The following CEPT1 variants were observed in gnomAD, a reference collection of about 807,000 sequenced individuals.
CEPT1 encodes choline/ethanolamine phosphotransferase 1.
CEPT1 carries 7 observed loss-of-function variants against 42.6 expected under a neutral mutation model. The ratio of observed to expected loss-of-function variants is 0.16; its 90% CI spans 0.09 to 0.31. The LOEUF is 0.31. CEPT1 is among the 10% of genes least tolerant of loss of function. CEPT1 has a pLI of 1.00. For synonymous variants in CEPT1, 171 were observed against 171.9 expected (o/e 0.99, Z 0.04); for missense variants, 306 against 502.1 (o/e 0.61, Z 3.73).
chr1:111,158,637 A>G (rs1655698207), intron 2 of CEPT1, among the ~76,000 whole-genome samples: 1 of 152,208 alleles, frequency 6.6e-6, no homozygotes, highest in Non-Finnish European at 1.5e-5. Context: ...GAAGTCCTGT[A>G]GTAAAGAAAT....
At position 111,159,520 on chromosome 1, in the gene CEPT1, A is replaced by C; in HGVS notation, c.480A>C (p.Leu160=). Residue 160 remains leucine, a synonymous_variant, in exon 3 of 9, where the codon CTA becomes CTC. Transcript: ENST00000357172. ...GELFDHGCDS[L]STVFVVLGTC... The stretch of plus-strand genomic sequence containing the variant: ...TTTTTGATCATGGCTGTGATTCACT[A>C]TCAACAGGTATTGTTGATTTTTTTA... 6.2e-7 allele frequency: 1 copy of C among 1,606,798 alleles called. No individual in the cohort carries two copies. The highest frequency in any genetic ancestry group is 1.3e-5 in the African/African-American group (1 of 74,438).
intron 2 of CEPT1, among the ~76,000 whole-genome samples, chr1:111,155,240 G>T (rs993552127): frequency 1.3e-5 from 2 of 151,932 alleles, no homozygotes; most frequent in Admixed American, 1.3e-4. Flanking sequence ...TATCTACTTC[G>T]TCTAGGTTTT....
intron 5 of CEPT1, among the ~76,000 whole-genome samples, chr1:111,175,551 T>C (rs1390572917): frequency 6.6e-6 from 1 of 152,184 alleles, no homozygotes; most frequent in East Asian, 1.9e-4. Context: ...GGAACCAGAC[T>C]GTGTGCGTTT....
At chr1:111,167,867 C>A in intron 4 of CEPT1, 2 of 634,184 alleles carry the variant, frequency 3.2e-6, no homozygotes. Context: ...CTCTAATGTA[C>A]TGCTAAAAGT....
chr1:111,168,146 C>G lies in CEPT1; in HGVS notation c.630-6733C>G, dbSNP rs759696136. On this transcript the variant is annotated intron_variant, in intron 4 of 8. Transcript: ENST00000357172. ...GCCTCAGCCTTCCAAAGCACTGGAA[C>G]TACAGGCATGAGCCACTGCATTCAC... is the stretch of plus-strand genomic sequence containing the variant. Among the ~76,000 whole-genome samples the G allele has an allele frequency of 3.2e-4, 48 of 152,168 alleles. 1 individual carries two copies. Among genetic ancestry groups the G allele is most frequent in the Admixed American group, 2.7e-3 (41 of 15,286 alleles).
chr1:111,146,363 C>T (rs181837700), intron 1 of CEPT1, among the ~76,000 whole-genome samples: 1 of 152,178 alleles, frequency 6.6e-6, no homozygotes, highest in South Asian at 2.1e-4. Context: ...ACCCACTACA[C>T]CCCAAAAGCC....
At chr1:111,167,393 T>C (rs1656192760) in intron 4 of CEPT1, 28 of 923,322 alleles carry the variant, frequency 3.0e-5, no homozygotes, top group Non-Finnish European at 3.6e-5. Context: ...TTTTAAAAAG[T>C]GGTATTTCTG....
chr1:111,177,622 A>T (rs1217623676), intron 5 of CEPT1, among the ~76,000 whole-genome samples: 1 of 151,934 alleles, frequency 6.6e-6, no homozygotes, highest in African/African-American at 2.4e-5. Flanking sequence ...TTCCATTATG[A>T]TTTATACATA....
intron 2 of CEPT1, among the ~76,000 whole-genome samples, chr1:111,158,395 T>G (rs964657093): frequency 5.3e-4 from 81 of 152,262 alleles, no homozygotes; most frequent in African/African-American, 1.7e-3. Flanking sequence ...ATACCAGCAG[T>G]TCAATTTCTG....
chr1:111,177,518 T>C (rs1409209723), intron 5 of CEPT1, among the ~76,000 whole-genome samples: 1 of 152,202 alleles, frequency 6.6e-6, no homozygotes, highest in Non-Finnish European at 1.5e-5. Context: ...GCATAAAACA[T>C]TGTAAATGAA....
intron 2 of CEPT1, among the ~76,000 whole-genome samples, chr1:111,153,913 C>T (rs1002588286): frequency 3.3e-5 from 5 of 152,052 alleles, no homozygotes. Flanking sequence ...GTTCTTTTTG[C>T]TCTAGAGTGC....
chr1:111,151,419 G>A (rs963243508), intron 2 of CEPT1, among the ~76,000 whole-genome samples: 1 of 152,220 alleles, frequency 6.6e-6, no homozygotes, highest in Non-Finnish European at 1.5e-5. Flanking sequence ...ACCACACCCG[G>A]CCAGCTTGGT....
At chr1:111,142,899 A>G (rs1038066998) in intron 1 of CEPT1, among the ~76,000 whole-genome samples, 1 of 152,216 alleles carries the variant, frequency 6.6e-6, no homozygotes. Context: ...ACTGATTACA[A>G]GTGAAAAGGC....
intron 2 of CEPT1, among the ~76,000 whole-genome samples, chr1:111,158,345 C>A (rs1009300615): frequency 5.3e-5 from 8 of 150,428 alleles, no homozygotes; most frequent in Non-Finnish European, 7.4e-5. Context: ...CAGAGCAAGA[C>A]TCCATCTCAA....
chr1:111,158,178 C>T (rs899034687), intron 2 of CEPT1, among the ~76,000 whole-genome samples: 19 of 151,866 alleles, frequency 1.3e-4, no homozygotes, highest in Non-Finnish European at 4.4e-5. Context: ...CTTGTCTCTA[C>T]TAAAAAAAAT....
At chr1:111,176,374 G>A (rs1159692876) in intron 5 of CEPT1, among the ~76,000 whole-genome samples, 2 of 152,052 alleles carry the variant, frequency 1.3e-5, no homozygotes, top group Non-Finnish European at 2.9e-5. Flanking sequence ...AGATCATAAA[G>A]CCTAAAGCTT....
intron 8 of CEPT1, 73 bp from the exon 9 acceptor site, chr1:111,184,118 T>G: frequency 6.8e-7 from 1 of 1,460,004 alleles, no homozygotes; most frequent in Non-Finnish European, 9.5e-7. Context: ...GAGAACAGAG[T>G]CCAGTCCTCT....
At chr1:111,165,139 T>C (rs1656078743) in intron 4 of CEPT1, among the ~76,000 whole-genome samples, 1 of 133,116 alleles carries the variant, frequency 7.5e-6, no homozygotes, top group Non-Finnish European at 1.5e-5. Flanking sequence ...AACCTCCGCC[T>C]CCTGGGTTCA....
chr1:111,179,233 C>A (rs1435375796), intron 5 of CEPT1: 1 of 152,094 alleles, frequency 6.6e-6, no homozygotes, highest in Non-Finnish European at 1.5e-5. Context: ...CTATGTCTAA[C>A]CTTTTTAAAA....
Sources: gnomAD v4.1 joint callset for allele counts (sites outside exome capture counted in the v4.1 genomes callset) on GRCh38, gnomAD v4.1.1 for gene constraint, MANE v1.5 for transcripts, NCBI Gene and HGNC (gene_info 2026-07-23, HGNC 2026-07-21) for gene names.